The following PRKCB variants were observed in gnomAD, a reference collection of about 807,000 sequenced individuals.
PRKCB encodes protein kinase C beta.
In PRKCB, 13 loss-of-function variants were observed where a neutral mutation model predicts 81.5. The observed-to-expected ratio is 0.16, with a 90% CI of 0.10 to 0.25. The LOEUF is 0.25. Among genes scored for constraint, PRKCB ranks in the 10% least tolerant of loss-of-function variants. PRKCB has a pLI of 1.00. For synonymous variants in PRKCB, 335 were observed against 321.4 expected, an observed-to-expected ratio of 1.04 and a Z score of -0.45; for missense variants, 509 against 875.7, an observed-to-expected ratio of 0.58 and a Z score of 5.29.
chr16:23,840,642 G>T (rs1962248258), intron 2 of PRKCB, among the ~76,000 whole-genome samples: 1 of 152,108 alleles, frequency 6.6e-6, no homozygotes, highest in Non-Finnish European at 1.5e-5. Context: ...TGTTGTCTCT[G>T]CCACTCTGGT....
intron 7 of PRKCB, among the ~76,000 whole-genome samples, chr16:24,110,598 C>G (rs868329440): frequency 6.7e-6 from 1 of 149,332 alleles, no homozygotes; most frequent in African/African-American, 2.5e-5. Context: ...CTCACTGCAG[C>G]CTTGACCTTC....
At chr16:23,883,790 T>C (rs182588203) in intron 2 of PRKCB, among the ~76,000 whole-genome samples, 148 of 152,298 alleles carry the variant, frequency 9.7e-4, no homozygotes, top group African/African-American at 3.4e-3. Flanking sequence ...GTCTTTGAAC[T>C]TCGTAGCAAT....
chr16:23,863,613 A>G (rs1962721814), intron 2 of PRKCB, among the ~76,000 whole-genome samples: 1 of 152,196 alleles, frequency 6.6e-6, no homozygotes, highest in African/African-American at 2.4e-5. Context: ...TGCATTTTGA[A>G]TGCAGTTTCA....
At chr16:24,023,883 C>T (rs1965441402) in intron 3 of PRKCB, among the ~76,000 whole-genome samples, 1 of 152,192 alleles carries the variant, frequency 6.6e-6, no homozygotes, top group Admixed American at 6.5e-5. Flanking sequence ...CCAGGCTCTG[C>T]TGTCCATTCC....
intron 2 of PRKCB, among the ~76,000 whole-genome samples, chr16:23,975,909 C>CT (rs1226850036): frequency 2.0e-5 from 3 of 152,120 alleles, no homozygotes; most frequent in African/African-American, 7.2e-5. Context: ...CATTTATTGG[C>CT]TTGTACAGAG....
chr16:23,873,478 C>T (rs1962946563), intron 2 of PRKCB, among the ~76,000 whole-genome samples: 1 of 152,082 alleles, frequency 6.6e-6, no homozygotes, highest in Non-Finnish European at 1.5e-5. Flanking sequence ...CATGGGTTTT[C>T]TGGTTCTTCT....
chr16:24,116,620 A>C lies in PRKCB; in HGVS notation c.918+3551A>C, dbSNP rs9930851. Among the ~76,000 whole-genome samples, 352 of 152,214 alleles carry C rather than the reference A, an allele frequency of 2.3e-3. 2 individuals are homozygous for C. Among genetic ancestry groups the C allele is most frequent in the African/African-American group, 7.6e-3 (317 of 41,520 alleles). ...CAGAGGCTTGTTCCCAAAGTCTTGG[A>C]CTCAAGCCCAAGTGAACTGAAAAAA... On this transcript the variant is annotated intron_variant, in intron 8 of 16. Coordinates refer to ENST00000643927, the MANE Select transcript of PRKCB (RefSeq NM_002738.7).
intron 3 of PRKCB, among the ~76,000 whole-genome samples, chr16:24,004,440 G>T (rs1183597634): frequency 7.1e-6 from 1 of 141,770 alleles, no homozygotes; most frequent in Non-Finnish European, 1.5e-5. Context: ...TCAGGAGTTT[G>T]AGACCAGCCT....
At chr16:24,201,880 C>G (rs1039517709) in intron 16 of PRKCB, among the ~76,000 whole-genome samples, 7 of 151,804 alleles carry the variant, frequency 4.6e-5, no homozygotes, top group Admixed American at 6.6e-5. Flanking sequence ...CTAAAAAATA[C>G]AAAAAATTAG....
intron 5 of PRKCB, among the ~76,000 whole-genome samples, chr16:24,049,047 GTTTTTT>G (rs1160842975): frequency 6.0e-4 from 30 of 49,694 alleles, no homozygotes; most frequent in South Asian, 3.2e-3. Context: ...AAATTGGCCT[GTTTTTT>G]TTTTTTTTTT....
In PRKCB at chr16:24,217,676, C is replaced by T; in HGVS notation, c.*2860C>T. 1 of 985,548 alleles carries T rather than the reference C, an allele frequency of 1.0e-6. No homozygotes were observed. The highest frequency in any genetic ancestry group is 4.7e-5 in the South Asian group (1 of 21,280). The allele number at this position is 985,548 out of a possible 1,614,324, so 61.1% of individuals were successfully genotyped here. On this transcript the variant is annotated 3_prime_UTR_variant, in exon 17 of 17. Coordinates refer to ENST00000643927, the MANE Select transcript of PRKCB (RefSeq NM_002738.7). ...CACCAGCACAACAAACGGGGCAGGG[C>T]TTTCCAAGGTGGGGCTGGTCAGAAG...
chr16:24,129,831 C>T (rs1966850728), intron 9 of PRKCB, among the ~76,000 whole-genome samples: 1 of 152,126 alleles, frequency 6.6e-6, no homozygotes, highest in Non-Finnish European at 1.5e-5. Context: ...AGACCAATTC[C>T]TTTTATGTAA....
intron 2 of PRKCB, among the ~76,000 whole-genome samples, chr16:23,916,695 C>T (rs1408084452): frequency 6.6e-6 from 1 of 152,128 alleles, no homozygotes; most frequent in Non-Finnish European, 1.5e-5. Context: ...GTTAGCTTAC[C>T]TTGCTTTCTT....
intron 2 of PRKCB, among the ~76,000 whole-genome samples, chr16:23,855,386 C>T (rs73537046): frequency 0.039 from 5,967 of 152,166 alleles, 400 homozygotes; most frequent in African/African-American, 0.14. Flanking sequence ...GGCACAGAGC[C>T]TACCTCCCAG....
intron 3 of PRKCB, among the ~76,000 whole-genome samples, chr16:24,006,055 A>ACCTCCCTT (rs1049641688): frequency 4.6e-5 from 7 of 151,834 alleles, no homozygotes; most frequent in South Asian, 2.1e-4. Flanking sequence ...TACAGTCTCC[A>ACCTCCCTT]CCTCCCTTCC....
rs1216286961 is a variant in PRKCB, at chr16:24,073,789, TG to T, written c.530-19001del. On this transcript the variant is annotated intron_variant, in intron 5 of 16. Transcript: ENST00000643927. ...GATGCTATTTTGGGGGTAAATATGTTGATCTTTTCCAGAAGGAGTCCAAGAC... is the reference window on the plus strand; with the variant it reads ...GATGCTATTTTGGGGGTAAATATGTTATCTTTTCCAGAAGGAGTCCAAGAC... 2.6e-5 allele frequency among the ~76,000 whole-genome samples: 4 copies of T among 152,314 alleles called. No homozygotes were observed. In the East Asian group the frequency reaches 7.7e-4, roughly 29 times the overall value.
chr16:24,129,641 ATC>A (rs1289199936), intron 9 of PRKCB, among the ~76,000 whole-genome samples: 2 of 152,002 alleles, frequency 1.3e-5, no homozygotes, highest in Non-Finnish European at 2.9e-5. Flanking sequence ...TATATCTATC[ATC>A]TGTTTATCAT....
chr16:24,124,245 C>G (rs144736067), intron 9 of PRKCB, among the ~76,000 whole-genome samples: 1 of 152,250 alleles, frequency 6.6e-6, no homozygotes, highest in East Asian at 1.9e-4. Context: ...TTTCAAAGAG[C>G]TAGGAAAGAA....
At chr16:23,959,770 A>C (rs912868609) in intron 2 of PRKCB, among the ~76,000 whole-genome samples, 2 of 152,140 alleles carry the variant, frequency 1.3e-5, no homozygotes, top group Non-Finnish European at 2.9e-5. Flanking sequence ...GGAAAATATT[A>C]GTGTGTGTTT....
Sources: gnomAD v4.1 joint callset for allele counts (sites outside exome capture counted in the v4.1 genomes callset) on GRCh38, gnomAD v4.1.1 for gene constraint, MANE v1.5 for transcripts, NCBI Gene and HGNC (gene_info 2026-07-23, HGNC 2026-07-21) for gene names.